Variants in SPHKAP observed in about 807,000 individuals in gnomAD.
SPHKAP encodes the protein A-kinase anchor protein SPHKAP.
SPHKAP carries 67 observed loss-of-function variants against 137.5 expected under a neutral mutation model. The ratio of observed to expected loss-of-function variants is 0.49; its 90% CI spans 0.40 to 0.60. The LOEUF (loss-of-function observed/expected upper bound fraction) is 0.60, where lower values mean the gene tolerates loss of function less well. Among genes scored for constraint, SPHKAP ranks in the 20% least tolerant of loss-of-function variants. The pLI is 0.00. For synonymous variants in SPHKAP, 813 were observed against 785.3 expected, an observed-to-expected ratio of 1.04 and a Z score of -0.59; for missense variants, 2,097 against 2,069.3, an observed-to-expected ratio of 1.01 and a Z score of -0.26.
intron 3 of SPHKAP, among the ~76,000 whole-genome samples, chr2:228,037,987 A>G (rs1182591143): frequency 2.0e-5 from 3 of 152,240 alleles, no homozygotes; most frequent in Non-Finnish European, 4.4e-5. Context: ...TAGAGAATAC[A>G]GGACCAGCCT....
At chr2:228,149,892 G>T (rs2106397577) in intron 1 of SPHKAP, among the ~76,000 whole-genome samples, 1 of 151,904 alleles carries the variant, frequency 6.6e-6, no homozygotes, top group East Asian at 1.9e-4. Context: ...GCTCAGATTT[G>T]GTTTCTTCCT....
At chr2:228,146,110 G>C (rs895920125) in intron 1 of SPHKAP, among the ~76,000 whole-genome samples, 3 of 151,862 alleles carry the variant, frequency 2.0e-5, no homozygotes, top group African/African-American at 4.8e-5. Flanking sequence ...ACTATGTTTA[G>C]AGCAATTTTA....
intron 4 of SPHKAP, 28 bp downstream of exon 4, chr2:228,027,456 C>T: frequency 6.2e-7 from 1 of 1,608,296 alleles, no homozygotes; most frequent in Non-Finnish European, 8.5e-7. Flanking sequence ...GTAATGACCT[C>T]CCGGTCAGCT....
intron 7 of SPHKAP, among the ~76,000 whole-genome samples, chr2:227,997,090 C>A (rs1384804246): frequency 6.6e-6 from 1 of 152,142 alleles, no homozygotes; most frequent in Non-Finnish European, 1.5e-5. Context: ...ACCTTCTTAA[C>A]CCTGGTGCCA....
At chr2:228,103,434 C>A (rs1000982458) in intron 3 of SPHKAP, among the ~76,000 whole-genome samples, 2 of 152,148 alleles carry the variant, frequency 1.3e-5, no homozygotes, top group Admixed American at 6.5e-5. Flanking sequence ...CCTTCTGCAC[C>A]CACGTAAGGG....
In SPHKAP at chr2:228,181,258, C is replaced by T. The variant is rs1048107231; in HGVS notation, c.32+309G>A. ...AGCTGTGTCCGCGGAAAGTCCGGCT[C>T]CTGGCTCCACCTAGGGCAGAGCAGA... On this transcript the variant is annotated intron_variant, in intron 1 of 11. Transcript: ENST00000392056. This position sits in a 1 kb window ranked among gnomAD's most constrained non-coding sequence, Gnocchi z 4.3. Among the ~76,000 whole-genome samples, 2 of 152,202 alleles carry T rather than the reference C, an allele frequency of 1.3e-5. No individual in the cohort carries two copies. Among genetic ancestry groups the T allele is most frequent in the African/African-American group, 4.8e-5 (2 of 41,466 alleles).
intron 3 of SPHKAP, among the ~76,000 whole-genome samples, chr2:228,055,499 G>A (rs908828058): frequency 6.6e-6 from 1 of 152,160 alleles, no homozygotes; most frequent in African/African-American, 2.4e-5. Flanking sequence ...AAGCAATGAA[G>A]TGTCTGGTGG....
Position 228,016,445 on chromosome 2 carries a change from C to G in SPHKAP, c.4409G>C (p.Arg1470Thr). 8 of 1,610,350 alleles carry G rather than the reference C, an allele frequency of 5.0e-6. No individual in the cohort carries two copies. The highest frequency in any genetic ancestry group is 6.8e-6 in the Non-Finnish European group (8 of 1,178,644). Residue 1470 changes from arginine (R) to threonine (T), a missense_variant, in exon 7 of 12, where the codon AGA becomes ACA. Physicochemically the swap from Arg to Thr is moderately conservative, Grantham distance 71 (BLOSUM62 -1). Coordinates refer to ENST00000392056, the MANE Select transcript of SPHKAP (RefSeq NM_001142644.2). The part of the protein sequence containing the change: ...SNDKNIPDVV[R>T]GGDTAVSACQ... The stretch of plus-strand genomic sequence containing the variant: ...AGCGCTCACGGCTGTGTCTCCACCT[C>G]TCACCACATCTGGGATGTTTTTGTC...
intron 7 of SPHKAP, among the ~76,000 whole-genome samples, chr2:228,000,769 A>G (rs62202707): frequency 0.049 from 7,396 of 152,180 alleles, 293 homozygotes; most frequent in Non-Finnish European, 0.063. Flanking sequence ...TGGATGTACC[A>G]CAATTTATCC....
intron 2 of SPHKAP, among the ~76,000 whole-genome samples, chr2:228,129,010 G>T (rs1039263578): frequency 4.6e-5 from 7 of 152,150 alleles, no homozygotes; most frequent in Non-Finnish European, 7.4e-5. Context: ...GTCACTTAAA[G>T]TTACCAGCTG....
At chr2:228,081,214 A>T (rs1233162699) in intron 3 of SPHKAP, among the ~76,000 whole-genome samples, 1 of 152,144 alleles carries the variant, frequency 6.6e-6, no homozygotes, top group Non-Finnish European at 1.5e-5. Flanking sequence ...TACACAATTG[A>T]CTATTCTCCC....
chr2:227,994,752 C>T (rs905005971), intron 8 of SPHKAP, among the ~76,000 whole-genome samples: 1 of 152,064 alleles, frequency 6.6e-6, no homozygotes. Context: ...TAATACTTTC[C>T]GCTAGTTTTA....
intron 7 of SPHKAP, among the ~76,000 whole-genome samples, chr2:228,009,158 G>GT (rs201152283): frequency 2.3e-4 from 35 of 152,236 alleles, no homozygotes; most frequent in East Asian, 1.5e-3. Flanking sequence ...TAGGCTGACA[G>GT]TTTTTTTCTC....
rs80286628 is a variant in SPHKAP at position 228,158,709 on chromosome 2, A to G, written c.32+22858T>C. On this transcript the variant is annotated intron_variant, in intron 1 of 11. Coordinates refer to ENST00000392056, the MANE Select transcript of SPHKAP (RefSeq NM_001142644.2). ...TGCAGATCTTTCTCTTGAGCTTCAG[A>G]TTTGAATACCCAATGGCATGTTGGA... Among the ~76,000 whole-genome samples the G allele has an allele frequency of 3.1e-3, 467 of 152,288 alleles. 4 individuals are homozygous for G. The highest frequency in any genetic ancestry group is 0.011 in the African/African-American group (459 of 41,552).
chr2:228,114,287 CT>C (rs1015149227), intron 2 of SPHKAP, among the ~76,000 whole-genome samples: 9 of 152,086 alleles, frequency 5.9e-5, no homozygotes, highest in African/African-American at 2.2e-4. Context: ...AGTTACGTTT[CT>C]TTTTATATAG....
intron 1 of SPHKAP, among the ~76,000 whole-genome samples, chr2:228,175,812 T>C (rs892407899): frequency 8.5e-5 from 13 of 152,152 alleles, no homozygotes; most frequent in African/African-American, 2.9e-4. Context: ...AGATAGATTT[T>C]TTTAAAAAGA....
At chr2:228,067,334 T>G (rs1476134548) in intron 3 of SPHKAP, among the ~76,000 whole-genome samples, 1 of 152,126 alleles carries the variant, frequency 6.6e-6, no homozygotes, top group Non-Finnish European at 1.5e-5. Flanking sequence ...AATTATGCAA[T>G]GAAAGAAAAC....
At chr2:228,025,919 A>G (rs545333302) in intron 4 of SPHKAP, 1 of 961,856 alleles carries the variant, frequency 1.0e-6, no homozygotes, top group Non-Finnish European at 1.2e-6. Context: ...CTGTGTCCCC[A>G]TCCAAATCTC....
At chr2:228,154,892 C>T (rs1210025078) in intron 1 of SPHKAP, among the ~76,000 whole-genome samples, 3 of 151,506 alleles carry the variant, frequency 2.0e-5, no homozygotes, top group African/African-American at 7.3e-5. Flanking sequence ...ATTACCCATT[C>T]AAAAGGGTTA....
Sources: gnomAD v4.1 joint callset for allele counts (sites outside exome capture counted in the v4.1 genomes callset) on GRCh38, gnomAD v4.1.1 for gene constraint, Gnocchi (gnomAD v3.1) non-coding constraint, MANE v1.5 for transcripts, NCBI Gene and HGNC (gene_info 2026-07-23, HGNC 2026-07-21) for gene names.